The following NREP variants were observed in gnomAD, a reference collection of about 807,000 sequenced individuals.
NREP encodes the protein neuronal regeneration-related protein.
In NREP, 5 loss-of-function variants were observed where a neutral mutation model predicts 8.6. The observed-to-expected ratio is 0.58, with a 90% CI of 0.30 to 1.22. The LOEUF (loss-of-function observed/expected upper bound fraction) is 1.22, where lower values mean the gene tolerates loss of function less well. NREP is among the 50% of genes most tolerant of loss of function. NREP has a pLI of 0.07. For missense variants in NREP, 86 were observed against 82.5 expected (o/e 1.04, Z -0.17); for synonymous variants, 27 against 28.0 (o/e 0.96, Z 0.11).
At chr5:111,790,626 A>C (rs955994788) in intron 2 of NREP, among the ~76,000 whole-genome samples, 6 of 152,086 alleles carry the variant, frequency 3.9e-5, no homozygotes, top group African/African-American at 1.4e-4. Flanking sequence ...GGTTTCGCCT[A>C]TCCATGTTTA....
intron 2 of NREP, among the ~76,000 whole-genome samples, chr5:111,788,937 G>C (rs146723465): frequency 2.6e-3 from 401 of 152,258 alleles, no homozygotes; most frequent in African/African-American, 7.9e-3. Flanking sequence ...AAATTCTTCT[G>C]CCTAATAGTC....
intron 2 of NREP, among the ~76,000 whole-genome samples, chr5:111,783,940 T>C (rs1368480833): frequency 6.6e-6 from 1 of 152,230 alleles, no homozygotes; most frequent in Non-Finnish European, 1.5e-5. Context: ...AAGACCTTCC[T>C]ACACAAGTAG....
At chr5:111,775,377 G>T (rs1751332095) in intron 2 of NREP, among the ~76,000 whole-genome samples, 3 of 152,140 alleles carry the variant, frequency 2.0e-5, no homozygotes, top group Non-Finnish European at 2.9e-5. Context: ...CCCTAGGGTA[G>T]CAGGAGGCAG....
intron 2 of NREP, among the ~76,000 whole-genome samples, chr5:111,927,697 T>C (rs990960038): frequency 8.5e-5 from 13 of 152,206 alleles, no homozygotes; most frequent in African/African-American, 2.9e-4. Context: ...TGTAGGTTCA[T>C]AAGCTCTAAT....
chr5:111,757,998 T>A, upstream of NREP: 1 of 985,522 alleles, frequency 1.0e-6, no homozygotes, highest in Non-Finnish European at 1.2e-6. Context: ...GCAGCCGCCT[T>A]CCTTTTATGT....
chr5:111,856,732 AT>A (rs531248705), intron 2 of NREP, among the ~76,000 whole-genome samples: 84 of 146,654 alleles, frequency 5.7e-4, no homozygotes, highest in South Asian at 8.8e-4. Flanking sequence ...TGATACGAAG[AT>A]TTTTTTTTTT....
At chr5:111,919,915 G>GAAAGAAAA (rs1554053106) in intron 2 of NREP, among the ~76,000 whole-genome samples, 52 of 146,298 alleles carry the variant, frequency 3.6e-4, no homozygotes, top group Non-Finnish European at 7.2e-4. Flanking sequence ...AAGAAAGAAA[G>GAAAGAAAA]AAAGATCTGA....
intron 2 of NREP, among the ~76,000 whole-genome samples, chr5:111,780,293 G>A (rs1025915792): frequency 3.9e-5 from 6 of 152,168 alleles, no homozygotes; most frequent in Non-Finnish European, 8.8e-5. Context: ...ACTGAGTATG[G>A]TGTATGGAGA....
chr5:111,745,506 A>G (rs1489235181), intron 2 of NREP, among the ~76,000 whole-genome samples: 1 of 152,218 alleles, frequency 6.6e-6, no homozygotes, highest in African/African-American at 2.4e-5. Flanking sequence ...TTTGCTGAGA[A>G]ACCAGATTGT....
chr5:111,775,611 T>C (rs1482920701), intron 2 of NREP, among the ~76,000 whole-genome samples: 2 of 152,190 alleles, frequency 1.3e-5, no homozygotes. Flanking sequence ...AGAGAGTATA[T>C]TTAGAGCATA....
chr5:111,842,873 T>G (rs1753064770), intron 2 of NREP, among the ~76,000 whole-genome samples: 1 of 152,204 alleles, frequency 6.6e-6, no homozygotes, highest in Non-Finnish European at 1.5e-5. Flanking sequence ...TTTCCTCTTT[T>G]AGTACTTACG....
At chr5:111,818,327 C>T (rs1034636708) in intron 2 of NREP, among the ~76,000 whole-genome samples, 1 of 152,010 alleles carries the variant, frequency 6.6e-6, no homozygotes, top group Non-Finnish European at 1.5e-5. Flanking sequence ...AACTTCCTTA[C>T]AAAAAGAAAC....
upstream of NREP, chr5:111,757,630 G>C: frequency 1.0e-6 from 1 of 983,006 alleles, no homozygotes; most frequent in Non-Finnish European, 1.2e-6. Flanking sequence ...CCGACACCCC[G>C]CACCCGCGCC....
chr5:111,807,866 A>G (rs1240009487), intron 2 of NREP, among the ~76,000 whole-genome samples: 1 of 152,180 alleles, frequency 6.6e-6, no homozygotes, highest in East Asian at 1.9e-4. Context: ...TTAACCCACC[A>G]GCTCTGAATA....
intron 2 of NREP, among the ~76,000 whole-genome samples, chr5:111,947,422 GTATT>G (rs1199183564): frequency 6.6e-6 from 1 of 151,660 alleles, no homozygotes; most frequent in Non-Finnish European, 1.5e-5. Flanking sequence ...AAGAGGGAGG[GTATT>G]TATTGACTTT....
chr5:111,772,513 A>G (rs1343256722), intron 2 of NREP, among the ~76,000 whole-genome samples: 1 of 152,160 alleles, frequency 6.6e-6, no homozygotes, highest in Non-Finnish European at 1.5e-5. Context: ...AGCTGCAATC[A>G]GCAAGTCATG....
intron 1 of NREP, chr5:111,756,206 C>T (rs2112853034): frequency 9.9e-7 from 1 of 1,012,880 alleles, no homozygotes; most frequent in East Asian, 8.5e-5. Context: ...ATCAAGACGA[C>T]AGAATAGGAA....
At chr5:111,862,851 A>T (rs1753581160) in intron 2 of NREP, among the ~76,000 whole-genome samples, 1 of 151,396 alleles carries the variant, frequency 6.6e-6, no homozygotes, top group African/African-American at 2.4e-5. Context: ...CGTATTTACA[A>T]AACAGGAGAC....
At chr5:111,918,893 G>GAAAAC (rs57221084) in intron 2 of NREP, among the ~76,000 whole-genome samples, 7,212 of 151,690 alleles carry the variant, frequency 0.048, 221 homozygotes, top group Non-Finnish European at 0.072. Context: ...CTTCTGCACA[G>GAAAAC]AAAACAAAAC....
Sources: allele counts gnomAD v4.1 joint callset (sites outside exome capture counted in the v4.1 genomes callset), GRCh38; gene constraint gnomAD v4.1.1; transcripts MANE v1.5; gene names NCBI Gene and HGNC (gene_info 2026-07-23, HGNC 2026-07-21).